Variants in NXN observed in about 807,000 individuals in gnomAD.
The protein encoded by NXN is nucleoredoxin 1.
Under a neutral mutation model 48.6 loss-of-function variants are expected in NXN, and 16 were observed. That is an observed-to-expected ratio of 0.33 (90% confidence interval 0.22 to 0.50). The LOEUF is 0.50. Among genes scored for constraint, NXN ranks in the 20% least tolerant of loss-of-function variants. The pLI is 0.98. For synonymous variants in NXN, 281 were observed against 269.6 expected (o/e 1.04, Z -0.41); for missense variants, 492 against 605.5 (o/e 0.81, Z 1.97).
At chr17:974,146 G>A (rs542136846) in intron 1 of NXN, among the ~76,000 whole-genome samples, 1 of 151,674 alleles carries the variant, frequency 6.6e-6, no homozygotes, top group African/African-American at 2.4e-5. Flanking sequence ...TCGGGAGATC[G>A]AGACCATCCT....
intron 1 of NXN, among the ~76,000 whole-genome samples, chr17:865,106 T>C (rs2068082367): frequency 1.3e-5 from 2 of 152,182 alleles, no homozygotes; most frequent in Non-Finnish European, 2.9e-5. Context: ...AAGTCATCTT[T>C]CTCGCTCGAT....
In NXN at chr17:978,820, G is replaced by C. The variant is rs1251120158; in HGVS notation, c.360+499C>G. ...GGAAACGCGCTGGTTTGGGCGCCAC[G>C]GGCGGGGGGCGTGCGCCCTCCCCTC... On this transcript the variant is annotated intron_variant, in intron 1 of 7. Transcript: ENST00000336868. This position sits in a 1 kb window ranked among gnomAD's most constrained non-coding sequence, Gnocchi z 4.1. 1.3e-5 allele frequency among the ~76,000 whole-genome samples: 2 copies of C among 151,958 alleles called. No individual in the cohort carries two copies. Among genetic ancestry groups the C allele is most frequent in the African/African-American group, 2.4e-5 (1 of 41,366 alleles).
chr17:817,908 G>C (rs1487489528), intron 5 of NXN, among the ~76,000 whole-genome samples: 1 of 152,102 alleles, frequency 6.6e-6, no homozygotes, highest in Non-Finnish European at 1.5e-5. Flanking sequence ...CTGGGTGAAG[G>C]CTGGGAAGGA....
chr17:916,083 G>A lies in NXN; in HGVS notation c.360+63236C>T, dbSNP rs746369890. On this transcript the variant is annotated intron_variant, in intron 1 of 7. Coordinates refer to ENST00000336868, the MANE Select transcript of NXN (RefSeq NM_022463.5). ...CAAGCCATTGTTCTACTCAAATGTC[G>A]AATGAAAAGGGAGAAACAGAATGAT... Among the ~76,000 whole-genome samples the A allele has an allele frequency of 1.1e-4, 16 of 152,290 alleles. No homozygotes were observed. In the East Asian group the frequency reaches 1.7e-3, roughly 16 times the overall value.
intron 1 of NXN, among the ~76,000 whole-genome samples, chr17:901,326 G>C (rs1467717822): frequency 6.6e-6 from 1 of 152,176 alleles, no homozygotes; most frequent in Non-Finnish European, 1.5e-5. Flanking sequence ...ACATGAAATG[G>C]AATAACAGTA....
At chr17:804,428 G>C (rs1478081884) in intron 6 of NXN, among the ~76,000 whole-genome samples, 1 of 152,022 alleles carries the variant, frequency 6.6e-6, no homozygotes, top group Admixed American at 6.6e-5. Context: ...GATTACAGGC[G>C]TGAGCCACCA....
intron 5 of NXN, among the ~76,000 whole-genome samples, chr17:806,936 ACACACACACACG>A (rs895861616): frequency 1.6e-4 from 24 of 150,026 alleles, no homozygotes; most frequent in East Asian, 1.6e-3. Flanking sequence ...ACACACACAC[ACACACACACACG>A]CACGCGCCCA....
chr17:905,270 T>C, intron 1 of NXN: 1 of 149,492 alleles, frequency 6.7e-6, no homozygotes, highest in Admixed American at 6.7e-5. Flanking sequence ...TATATATATA[T>C]ATAGATGCCG....
intron 1 of NXN, among the ~76,000 whole-genome samples, chr17:870,284 T>C (rs1310936289): frequency 3.3e-5 from 5 of 152,140 alleles, no homozygotes; most frequent in African/African-American, 4.8e-5. Flanking sequence ...AAAGGGAAAG[T>C]TCATCCAGAA....
intron 1 of NXN, among the ~76,000 whole-genome samples, chr17:924,850 C>G (rs760165803): frequency 6.6e-6 from 1 of 152,218 alleles, no homozygotes; most frequent in Admixed American, 6.5e-5. Context: ...CTTTCATCTG[C>G]GAAACTCCCA....
At position 979,336 on chromosome 17, in the gene NXN, T is replaced by G; in HGVS notation, c.343A>C (p.Lys115Gln). 6.6e-7 allele frequency: 1 copy of G among 1,514,966 alleles called. No homozygotes were observed. 93.8% of individuals were successfully genotyped at this position (1,514,966 alleles called of 1,614,324 possible). A position where few individuals can be genotyped will look rare whatever the true frequency, so the allele number is the denominator to read the frequency against. The change falls in exon 1 of 8, where the codon AAG becomes CAG. Residue 115 changes from lysine to glutamine, a missense_variant. This residue lies in a region of NXN where 186 missense variants were observed against 199.1 expected (regional missense o/e 0.93). Transcript: ENST00000336868. ...CCGCTCACCTTCCTGTGCTTCTCCT[T>G]GTAGGGCAGCGCCAGCCACGGCATG... ...RDMPWLALPY[K>Q]EKHRKLKLWN...
In NXN at chr17:829,304, C is replaced by T. The variant is rs548837724; in HGVS notation, c.361-3226G>A. Among the ~76,000 whole-genome samples the T allele has an allele frequency of 1.3e-4, 19 of 151,944 alleles. No homozygotes were observed. The East Asian group carries it at 1.7e-3, about 14-fold the overall frequency. ...CCGAGTAGCTGGGATTACAGGCATG[C>T]ACCACCTTGCCGGCTAATTTTTCTA... On this transcript the variant is annotated intron_variant, in intron 1 of 7. Transcript: ENST00000336868.
intron 1 of NXN, among the ~76,000 whole-genome samples, chr17:916,163 C>A (rs1336039948): frequency 6.6e-6 from 1 of 152,174 alleles, no homozygotes; most frequent in Non-Finnish European, 1.5e-5. Flanking sequence ...ACTCTAGGCC[C>A]ACTTTGCTAG....
chr17:979,280 G>GGGGGGCGGGCAGGGGTAACGGGCGT, intron 1 of NXN, 39 bp downstream of exon 1: 1 of 1,413,474 alleles, frequency 7.1e-7, no homozygotes, highest in East Asian at 3.2e-5. Context: ...TAACGGGCGT[G>GGGGGGCGGGCAGGGGTAACGGGCGT]GGGGGCGGGC....
intron 4 of NXN, among the ~76,000 whole-genome samples, chr17:819,886 G>A (rs1912726278): frequency 1.3e-5 from 2 of 152,116 alleles, no homozygotes; most frequent in African/African-American, 2.4e-5. Context: ...CTGCATACCC[G>A]CGGGAGTTCT....
intron 1 of NXN, among the ~76,000 whole-genome samples, chr17:955,855 TTG>T (rs2069162767): frequency 3.3e-5 from 5 of 151,238 alleles, no homozygotes; most frequent in Non-Finnish European, 4.4e-5. Flanking sequence ...TGAGCCGAGA[TTG>T]TGCCACTGCA....
chr17:979,225 G>T, intron 1 of NXN, 94 bp downstream of exon 1: 1 of 597,334 alleles, frequency 1.7e-6, no homozygotes, highest in Non-Finnish European at 2.1e-6. Context: ...GGGACAACGG[G>T]GTTGGCGGAG....
chr17:841,648 CA>C (rs879573401), intron 1 of NXN, among the ~76,000 whole-genome samples: 78 of 136,534 alleles, frequency 5.7e-4, no homozygotes, highest in East Asian at 4.5e-3. Flanking sequence ...ACCCTGACCA[CA>C]GCGCATCTCA....
intron 1 of NXN, among the ~76,000 whole-genome samples, chr17:966,452 A>G (rs1237247826): frequency 6.6e-6 from 1 of 151,954 alleles, no homozygotes; most frequent in Non-Finnish European, 1.5e-5. Context: ...GGTTCAAATG[A>G]TTCTCCTGCC....
Sources: allele counts gnomAD v4.1 joint callset (sites outside exome capture counted in the v4.1 genomes callset), GRCh38; gene constraint gnomAD v4.1.1; regional missense constraint gnomAD v4.1.1; non-coding constraint Gnocchi (gnomAD v3.1); transcripts MANE v1.5; gene names NCBI Gene and HGNC (gene_info 2026-07-23, HGNC 2026-07-21).